The following INVS variants were observed in gnomAD, a reference collection of about 807,000 sequenced individuals.
INVS encodes inversin.
INVS carries 86 observed loss-of-function variants against 108.8 expected under a neutral mutation model. The ratio of observed to expected loss-of-function variants is 0.79; its 90% CI spans 0.66 to 0.95. The LOEUF (loss-of-function observed/expected upper bound fraction) is 0.95, where lower values mean the gene tolerates loss of function less well. Ranked by LOEUF, INVS falls within the 40% of genes least tolerant of loss-of-function variation. The pLI is 0.00. For missense variants in INVS, 1,169 were observed against 1,297.4 expected (o/e 0.90, Z 1.52); for synonymous variants, 455 against 473.5 (o/e 0.96, Z 0.51).
At chr9:100,229,615 G>C in intron 4 of INVS, 45 bp from the exon 5 acceptor site, 1 of 1,578,746 alleles carries the variant, frequency 6.3e-7, no homozygotes, top group Non-Finnish European at 8.7e-7. Flanking sequence ...ATTGGGGAAA[G>C]TTAGTTGTTA....
At chr9:100,282,195 C>T (rs997758601) in intron 12 of INVS, among the ~76,000 whole-genome samples, 2 of 152,164 alleles carry the variant, frequency 1.3e-5, no homozygotes, top group African/African-American at 4.8e-5. Context: ...GATGCTTCCA[C>T]CTTCTTCTGA....
chr9:100,280,099 C>T (rs952973055), intron 12 of INVS, among the ~76,000 whole-genome samples: 3 of 152,080 alleles, frequency 2.0e-5, no homozygotes, highest in Non-Finnish European at 4.4e-5. Context: ...CTTTTTAGCC[C>T]TTTTCTTGCT....
At chr9:100,168,490 C>T (rs960791535) in intron 3 of INVS, among the ~76,000 whole-genome samples, 3 of 152,166 alleles carry the variant, frequency 2.0e-5, no homozygotes, top group Admixed American at 2.0e-4. Flanking sequence ...TCAGAGCAGC[C>T]TCGACAGGGA....
At chr9:100,165,272 CTG>C (rs759987680) in intron 3 of INVS, among the ~76,000 whole-genome samples, 18 of 152,074 alleles carry the variant, frequency 1.2e-4, no homozygotes, top group South Asian at 8.3e-4. Context: ...TTTTGGCAAA[CTG>C]TTTTATTATT....
intron 2 of INVS, among the ~76,000 whole-genome samples, chr9:100,119,562 A>G (rs559008533): frequency 2.6e-4 from 40 of 152,268 alleles, no homozygotes; most frequent in African/African-American, 9.6e-4. Context: ...ACATTGGCAG[A>G]ATTCTTTTTT....
chr9:100,283,938 ATTCTGGTGTGCT>A (rs1833352636), intron 12 of INVS, among the ~76,000 whole-genome samples: 1 of 152,148 alleles, frequency 6.6e-6, no homozygotes, highest in South Asian at 2.1e-4. Context: ...TCTCGGTAGC[ATTCTGGTGTGCT>A]TTCTGAAACA....
At chr9:100,188,234 T>C (rs1476933168) in intron 3 of INVS, among the ~76,000 whole-genome samples, 5 of 152,118 alleles carry the variant, frequency 3.3e-5, no homozygotes, top group Non-Finnish European at 7.4e-5. Context: ...ATGATGAAAG[T>C]GGGCATCCTT....
intron 3 of INVS, among the ~76,000 whole-genome samples, chr9:100,208,202 A>G (rs1336416897): frequency 3.3e-5 from 5 of 152,212 alleles, no homozygotes; most frequent in Non-Finnish European, 7.3e-5. Flanking sequence ...TGACTTGCAG[A>G]TGGAGGTATG....
At chr9:100,155,429 C>A (rs1376591202) in intron 3 of INVS, among the ~76,000 whole-genome samples, 1 of 152,126 alleles carries the variant, frequency 6.6e-6, no homozygotes, top group Non-Finnish European at 1.5e-5. Flanking sequence ...CTCCACCTCC[C>A]AGGATCAAGT....
intron 3 of INVS, among the ~76,000 whole-genome samples, chr9:100,215,875 C>T (rs1202308110): frequency 6.6e-6 from 1 of 152,168 alleles, no homozygotes; most frequent in Non-Finnish European, 1.5e-5. Context: ...GAAAAGGAGG[C>T]CAACTGGGCA....
At chr9:100,177,509 G>A (rs1829756035) in intron 3 of INVS, among the ~76,000 whole-genome samples, 1 of 152,300 alleles carries the variant, frequency 6.6e-6, no homozygotes, top group Middle Eastern at 3.4e-3. Context: ...AAAGCCACCA[G>A]GAAGCTCAAA....
chr9:100,213,542 T>C (rs1315360413), intron 3 of INVS, among the ~76,000 whole-genome samples: 1 of 152,102 alleles, frequency 6.6e-6, no homozygotes, highest in Non-Finnish European at 1.5e-5. Context: ...TATTGAATTA[T>C]TTGCGGAGTT....
chr9:100,181,914 A>G (rs1243107154), intron 3 of INVS, among the ~76,000 whole-genome samples: 1 of 152,196 alleles, frequency 6.6e-6, no homozygotes, highest in Non-Finnish European at 1.5e-5. Context: ...GTACCAAAAC[A>G]GAGATATAGA....
chr9:100,196,817 C>A (rs1184865303), intron 3 of INVS, among the ~76,000 whole-genome samples: 1 of 151,946 alleles, frequency 6.6e-6, no homozygotes, highest in African/African-American at 2.4e-5. Flanking sequence ...CTGCAACTCA[C>A]AAGTTTTGCT....
At chr9:100,255,634 A>G (rs745531075) in intron 10 of INVS, among the ~76,000 whole-genome samples, 4 of 152,100 alleles carry the variant, frequency 2.6e-5, no homozygotes, top group Non-Finnish European at 5.9e-5. Flanking sequence ...GGGCTGTTGG[A>G]TTTTGTCAAA....
chr9:100,302,154 G>A lies in INVS; in HGVS notation c.*1480G>A, dbSNP rs1369961853. 7.9e-7 allele frequency: 1 copy of A among 1,258,852 alleles called. No homozygotes were observed. The highest frequency in any genetic ancestry group is 1.1e-6 in the Non-Finnish European group (1 of 899,770). 78.0% of individuals were successfully genotyped at this position (1,258,852 alleles called of 1,614,324 possible). ...CTTTTTCTTCAAATAAGATAGATGT[G>A]AATAAACAACTTCAAACAGGAGGTA... On this transcript the variant is annotated 3_prime_UTR_variant, in exon 17 of 17. Coordinates refer to ENST00000262457, the MANE Select transcript of INVS (RefSeq NM_014425.5).
intron 3 of INVS, among the ~76,000 whole-genome samples, chr9:100,179,929 T>TGCAAAAGAATGGAATG (rs1284264426): frequency 2.0e-5 from 3 of 151,610 alleles, no homozygotes; most frequent in Non-Finnish European, 4.4e-5. Context: ...AGAATGGAAA[T>TGCAAAAGAATGGAATG]CGTAACAGTC....
Position 100,154,331 on chromosome 9 carries a change from ATTTTTTTTTTTTT to A in INVS, c.273+27798_273+27810del, listed in dbSNP as rs780090630. On this transcript the variant is annotated intron_variant, in intron 3 of 16. Coordinates refer to ENST00000262457, the MANE Select transcript of INVS (RefSeq NM_014425.5). ...AGGTGTGTGCCACCACAACCGACTA[ATTTTTTTTTTTTT>A]TTTTTTTTTTTTTTTGTAGAGATGG... Among the ~76,000 whole-genome samples the A allele has an allele frequency of 7.7e-4, 53 of 68,572 alleles. 3 individuals are homozygous for A. The highest frequency in any genetic ancestry group is 8.3e-3 in the Middle Eastern group (1 of 120). 45.0% of individuals were successfully genotyped at this position (68,572 alleles called of 152,430 possible). A position where few individuals can be genotyped will look rare whatever the true frequency, so the allele number is the denominator to read the frequency against.
chr9:100,186,858 T>G (rs539133354), intron 3 of INVS, among the ~76,000 whole-genome samples: 1 of 152,270 alleles, frequency 6.6e-6, no homozygotes, highest in African/African-American at 2.4e-5. Flanking sequence ...AGAAGCTTTT[T>G]ATTTTTATTA....
Sources: allele counts gnomAD v4.1 joint callset (sites outside exome capture counted in the v4.1 genomes callset), GRCh38; gene constraint gnomAD v4.1.1; transcripts MANE v1.5; gene names NCBI Gene and HGNC (gene_info 2026-07-23, HGNC 2026-07-21).